Variants in GRID2 observed in about 807,000 individuals in gnomAD.
GRID2 encodes glutamate receptor ionotropic, delta-2.
In GRID2, 33 loss-of-function variants were observed where a neutral mutation model predicts 114.8. That is an observed-to-expected ratio of 0.29 (90% CI 0.22 to 0.38). The LOEUF is 0.38. GRID2 is among the 10% of genes least tolerant of loss of function. The pLI, the probability that GRID2 is intolerant of heterozygous loss-of-function variation, is 1.00. For synonymous variants in GRID2, 505 were observed against 449.9 expected, an observed-to-expected ratio of 1.12 and a Z score of -1.55; for missense variants, 1,184 against 1,257.7, an observed-to-expected ratio of 0.94 and a Z score of 0.89.
intron 13 of GRID2, among the ~76,000 whole-genome samples, chr4:93,560,259 A>G (rs931612470): frequency 1.3e-5 from 2 of 150,522 alleles, no homozygotes; most frequent in African/African-American, 4.9e-5. Flanking sequence ...AAAAACAGAA[A>G]GAAATACCTA....
At chr4:93,071,863 A>G (rs888703342) in intron 2 of GRID2, among the ~76,000 whole-genome samples, 4 of 152,174 alleles carry the variant, frequency 2.6e-5, no homozygotes, top group Admixed American at 6.6e-5. Context: ...AATATTCATA[A>G]AAGAAAAAAA....
intron 1 of GRID2, among the ~76,000 whole-genome samples, chr4:92,347,721 G>A (rs1032846613): frequency 2.0e-5 from 3 of 152,062 alleles, no homozygotes; most frequent in Admixed American, 6.6e-5. Flanking sequence ...ATAGGAAGGC[G>A]AGATTGAGGG....
chr4:93,018,433 A>T (rs1453934533), intron 2 of GRID2, among the ~76,000 whole-genome samples: 1 of 152,088 alleles, frequency 6.6e-6, no homozygotes, highest in Non-Finnish European at 1.5e-5. Context: ...TTGGTGAGAG[A>T]TGTTGGCATT....
At chr4:93,729,303 A>G (rs1730259286) in intron 14 of GRID2, among the ~76,000 whole-genome samples, 1 of 152,188 alleles carries the variant, frequency 6.6e-6, no homozygotes, top group South Asian at 2.1e-4. Context: ...AGTAAATTTC[A>G]ATCTACAGAC....
intron 2 of GRID2, among the ~76,000 whole-genome samples, chr4:93,060,180 C>A (rs941289310): frequency 6.6e-6 from 1 of 152,082 alleles, no homozygotes; most frequent in African/African-American, 2.4e-5. Flanking sequence ...TTTAGACTCC[C>A]CAGTTAATGA....
At chr4:93,144,300 T>C (rs1736012343) in intron 4 of GRID2, among the ~76,000 whole-genome samples, 1 of 152,250 alleles carries the variant, frequency 6.6e-6, no homozygotes, top group Admixed American at 6.5e-5. Flanking sequence ...CTAAATTCTT[T>C]ATGTGCATAA....
intron 4 of GRID2, among the ~76,000 whole-genome samples, chr4:93,155,431 C>T (rs1737087863): frequency 6.6e-6 from 1 of 151,946 alleles, no homozygotes. Flanking sequence ...TTTTAGGAAT[C>T]TGTCTTGACT....
intron 2 of GRID2, among the ~76,000 whole-genome samples, chr4:92,909,692 A>T (rs373507144): frequency 2.0e-5 from 3 of 152,124 alleles, no homozygotes; most frequent in Non-Finnish European, 4.4e-5. Context: ...GCTCCTTGGG[A>T]TGTCTATAGT....
At chr4:93,313,805 G>A (rs1487775809) in intron 8 of GRID2, among the ~76,000 whole-genome samples, 2 of 152,136 alleles carry the variant, frequency 1.3e-5, no homozygotes, top group Non-Finnish European at 2.9e-5. Flanking sequence ...AACAGATTAA[G>A]TTCTTGCAGT....
intron 11 of GRID2, 64 bp from the exon 12 acceptor site, chr4:93,490,575 A>G (rs1726893952): frequency 7.9e-7 from 1 of 1,272,712 alleles, no homozygotes; most frequent in Admixed American, 2.0e-5. Context: ...TTGAATATAG[A>G]TGACTTCAGA....
intron 1 of GRID2, among the ~76,000 whole-genome samples, chr4:92,381,097 C>T (rs1268808791): frequency 2.0e-5 from 3 of 151,950 alleles, no homozygotes; most frequent in South Asian, 2.1e-4. Context: ...AGATACCATA[C>T]ATTATTTTAA....
intron 2 of GRID2, among the ~76,000 whole-genome samples, chr4:92,597,824 C>A (rs1441003742): frequency 6.6e-6 from 1 of 152,108 alleles, no homozygotes; most frequent in Non-Finnish European, 1.5e-5. Context: ...ACCACATTTA[C>A]CTACACTCGC....
chr4:92,945,444 T>A (rs1006501569), intron 2 of GRID2, among the ~76,000 whole-genome samples: 1 of 152,182 alleles, frequency 6.6e-6, no homozygotes, highest in Non-Finnish European at 1.5e-5. Context: ...CTCTAGAAAG[T>A]CTAGAAAAAT....
At chr4:93,727,386 G>A (rs1465711039) in intron 14 of GRID2, among the ~76,000 whole-genome samples, 1 of 152,124 alleles carries the variant, frequency 6.6e-6, no homozygotes, top group Admixed American at 6.6e-5. Context: ...GATTCGGTTT[G>A]CCAGTATTTT....
chr4:92,378,074 G>A (rs1729439667), intron 1 of GRID2, among the ~76,000 whole-genome samples: 1 of 151,644 alleles, frequency 6.6e-6, no homozygotes, highest in African/African-American at 2.4e-5. Flanking sequence ...TTTTAGAGCT[G>A]AAAGAGGCTG....
At position 93,679,778 on chromosome 4, in the gene GRID2, G is replaced by T. The variant is rs542954725; in HGVS notation, c.2360+53343G>T. 3.5e-3 allele frequency among the ~76,000 whole-genome samples: 525 copies of T among 150,934 alleles called. 23 individuals carry two copies. The highest frequency in any genetic ancestry group is 0.012 in the African/African-American group (506 of 40,708). On this transcript the variant is annotated intron_variant, in intron 14 of 15. Coordinates refer to ENST00000282020, the MANE Select transcript of GRID2 (RefSeq NM_001510.4). ...GAATCTCTGGGACACATTTAAAGCA[G>T]TGTGTAGAGGGAAATTTATAGCACT...
At chr4:93,605,420 A>G (rs183864891) in intron 13 of GRID2, among the ~76,000 whole-genome samples, 11 of 152,238 alleles carry the variant, frequency 7.2e-5, no homozygotes, top group Admixed American at 6.5e-4. Context: ...TGCTACTTAA[A>G]CCACAATGGT....
At chr4:93,204,844 C>T (rs781279481) in intron 4 of GRID2, among the ~76,000 whole-genome samples, 3 of 152,050 alleles carry the variant, frequency 2.0e-5, no homozygotes, top group Non-Finnish European at 4.4e-5. Context: ...GATTACATAG[C>T]GAAGATTATT....
chr4:93,108,122 C>A (rs1337579969), intron 3 of GRID2, among the ~76,000 whole-genome samples: 1 of 152,084 alleles, frequency 6.6e-6, no homozygotes. Context: ...TGGATAATGT[C>A]TTCTTATACT....
Sources: gnomAD v4.1 joint callset for allele counts (sites outside exome capture counted in the v4.1 genomes callset) on GRCh38, gnomAD v4.1.1 for gene constraint, MANE v1.5 for transcripts, NCBI Gene and HGNC (gene_info 2026-07-23, HGNC 2026-07-21) for gene names.